TTC31: variants seen among roughly 807,000 people sequenced by gnomAD.
TTC31 encodes the protein tetratricopeptide repeat domain 31.
TTC31 carries 59 observed loss-of-function variants against 60.4 expected under a neutral mutation model. That is an observed-to-expected ratio of 0.98 (90% CI 0.79 to 1.21). The LOEUF (loss-of-function observed/expected upper bound fraction) is 1.21. Ranked by LOEUF, TTC31 falls within the 50% of genes most tolerant of loss-of-function variation. TTC31 has a pLI of 0.00. For missense variants in TTC31, 672 were observed against 646.9 expected, an observed-to-expected ratio of 1.04 and a Z score of -0.42; for synonymous variants, 225 against 249.6, an observed-to-expected ratio of 0.90 and a Z score of 0.93.
At chr2:74,483,189 T>G (rs1478005477) in intron 1 of TTC31, 54 bp downstream of exon 1, 5 of 1,613,836 alleles carry the variant, frequency 3.1e-6, no homozygotes, top group Non-Finnish European at 4.2e-6. Flanking sequence ...GCAGCCCCTC[T>G]TGGGTCCACC....
At position 74,491,612 on chromosome 2, in the gene TTC31, G is replaced by C; in HGVS notation, c.816G>C (p.Met272Ile). The change falls in exon 8 of 13, where the codon ATG (methionine) becomes ATC (isoleucine). Residue 272 changes from methionine (M) to isoleucine (I), a missense_variant. Physicochemically the swap from Met to Ile is conservative, Grantham distance 10 (BLOSUM62 1). Transcript: ENST00000233623. Reference protein sequence around the residue: ...PQGRGLALQKMGQEEESPPRE... With the variant: ...PQGRGLALQKIGQEEESPPRE... Reference sequence around the variant, plus strand: ...GCAGGGGTCTGGCCCTCCAGAAGATGGGTCAAGAGGAAGAGAGCCCTCCAA... The same window carrying C: ...GCAGGGGTCTGGCCCTCCAGAAGATCGGTCAAGAGGAAGAGAGCCCTCCAA... 2 of 1,614,218 alleles carry C rather than the reference G, an allele frequency of 1.2e-6. No homozygotes were observed. Among genetic ancestry groups the C allele is most frequent in the East Asian group, 2.2e-5 (1 of 44,890 alleles).
intron 2 of TTC31, among the ~76,000 whole-genome samples, chr2:74,488,124 G>C (rs1166474569): frequency 6.6e-6 from 1 of 152,116 alleles, no homozygotes; most frequent in Non-Finnish European, 1.5e-5. Context: ...ATAGGCGTCC[G>C]CACCACACCT....
rs868786345 is a variant in TTC31 at position 74,486,833 on chromosome 2, C to T, written c.130-3192C>T. Reference sequence around the variant, plus strand: ...ACTTGAACCCTGGAGGCGGAGGTTGCGGTGAGCCAAGTTCATGCCATTGCA... The same window carrying T: ...ACTTGAACCCTGGAGGCGGAGGTTGTGGTGAGCCAAGTTCATGCCATTGCA... On this transcript the variant is annotated intron_variant, in intron 2 of 12. Coordinates refer to ENST00000233623, the MANE Select transcript of TTC31 (RefSeq NM_022492.6). 5.3e-5 allele frequency among the ~76,000 whole-genome samples: 8 copies of T among 150,572 alleles called. No homozygotes were observed. In the South Asian group the frequency reaches 6.3e-4, roughly 12 times the overall value.
intron 2 of TTC31, 180 bp downstream of exon 2, chr2:74,483,590 G>A: frequency 1.4e-6 from 2 of 1,468,124 alleles, no homozygotes; most frequent in South Asian, 2.7e-5. Flanking sequence ...GGATCAGGAG[G>A]ATGATCCTGA....
intron 8 of TTC31, 101 bp from the exon 9 acceptor site, chr2:74,491,903 G>A: frequency 1.9e-6 from 3 of 1,578,180 alleles, no homozygotes; most frequent in South Asian, 1.1e-5. Flanking sequence ...GATTACATGA[G>A]TTGGGTAATG....
Position 74,490,126 on chromosome 2 carries a change from T to G in TTC31, c.231T>G (p.His77Gln). The G allele has an allele frequency of 3.1e-6, 5 of 1,600,682 alleles. No individual in the cohort carries two copies. The highest frequency in any genetic ancestry group is 4.3e-6 in the Non-Finnish European group (5 of 1,173,558). The change falls in exon 3 of 13, where the codon CAT becomes CAG. Residue 77 changes from histidine to glutamine, a missense_variant and splice_region_variant. Transcript: ENST00000233623. Reference sequence around the variant, plus strand: ...GCGGGCGGCTGCAGCTGTGGCACCATGGTGGGGAGTGCAGGGACCGGGCCC... The same window carrying G: ...GCGGGCGGCTGCAGCTGTGGCACCAGGGTGGGGAGTGCAGGGACCGGGCCC... ...GSSGRLQLWHHDYLLGHLDDE... is the reference protein window; with the variant it reads ...GSSGRLQLWHQDYLLGHLDDE...
intron 2 of TTC31, among the ~76,000 whole-genome samples, chr2:74,486,013 A>G (rs981602931): frequency 2.6e-5 from 4 of 152,022 alleles, no homozygotes; most frequent in Non-Finnish European, 4.4e-5. Context: ...CACACCTGTA[A>G]TCCTAGCACT....
chr2:74,486,910 G>T (rs1673180692), intron 2 of TTC31, among the ~76,000 whole-genome samples: 1 of 151,524 alleles, frequency 6.6e-6, no homozygotes, highest in African/African-American at 2.4e-5. Flanking sequence ...AAAAAAAAAG[G>T]AGTGTTCAGA....
intron 2 of TTC31, among the ~76,000 whole-genome samples, chr2:74,489,265 A>G (rs984873645): frequency 6.6e-6 from 1 of 152,242 alleles, no homozygotes; most frequent in African/African-American, 2.4e-5. Context: ...GAAGGGAGAT[A>G]GAATTTGAAC....
In TTC31 at chr2:74,492,198, C is replaced by A; in HGVS notation, c.988C>A (p.Gln330Lys). Reference protein sequence around the residue: ...FYHEAVVLFTQALKLNPQDHR... With the variant: ...FYHEAVVLFTKALKLNPQDHR... Reference sequence around the variant, plus strand: ...CCATGAGGCCGTGGTCCTCTTCACCCAGGCCTTGAAGCTCAACCCCCAGGA... The same window carrying A: ...CCATGAGGCCGTGGTCCTCTTCACCAAGGCCTTGAAGCTCAACCCCCAGGA... Residue 330 changes from glutamine to lysine, a missense_variant, in exon 10 of 13, where the codon CAG (glutamine) becomes AAG (lysine). By Grantham distance (53) the Gln-to-Lys change is moderately conservative. Coordinates refer to ENST00000233623, the MANE Select transcript of TTC31 (RefSeq NM_022492.6). 6.2e-7 allele frequency: 1 copy of A among 1,614,246 alleles called. No individual in the cohort carries two copies. The highest frequency in any genetic ancestry group is 1.1e-5 in the South Asian group (1 of 91,088).
In TTC31 at chr2:74,483,354, G is replaced by A; in HGVS notation, c.73G>A (p.Val25Ile). 6.2e-7 allele frequency: 1 copy of A among 1,614,204 alleles called. No homozygotes were observed. The highest frequency in any genetic ancestry group is 8.5e-7 in the Non-Finnish European group (1 of 1,180,032). ...TCTACGGCCCAGCTGCCCACTGGAG[G>A]TCGCTGCTGCACCCAAACTTTGCAA... ...CSLRPSCPLEVAAAPKLCKEF... is the reference protein window; with the variant it reads ...CSLRPSCPLEIAAAPKLCKEF... Residue 25 changes from valine (V) to isoleucine (I), a missense_variant, in exon 2 of 13, where the codon GTC becomes ATC. Coordinates refer to ENST00000233623, the MANE Select transcript of TTC31 (RefSeq NM_022492.6).
At chr2:74,490,195 A>AC in intron 3 of TTC31, 49 bp from the exon 4 acceptor site, 1 of 1,610,992 alleles carries the variant, frequency 6.2e-7, no homozygotes, top group African/African-American at 1.3e-5. Flanking sequence ...CCTCAGATGC[A>AC]CCCCGCTCTC....
rs1370275397 is a variant in TTC31 at position 74,492,990 on chromosome 2, T to A, written c.1332T>A (p.Ala444=). ...SPGALQPLPH[A]ELAPSGLPSL... is the part of the protein sequence containing the mutation. ...GGGCCCTCCAGCCACTTCCCCATGC[T>A]GAGCTGGCACCCTCAGGCCTACCTT... is the stretch of plus-strand genomic sequence containing the variant. The change falls in exon 13 of 13, where the codon GCT becomes GCA. Residue 444 remains alanine (A), a synonymous_variant. Coordinates refer to ENST00000233623, the MANE Select transcript of TTC31 (RefSeq NM_022492.6). The A allele has an allele frequency of 6.2e-7, 1 of 1,614,030 alleles. No individual in the cohort carries two copies. Among genetic ancestry groups the A allele is most frequent in the African/African-American group, 1.3e-5 (1 of 74,932 alleles).
chr2:74,487,601 A>G (rs1484165744), intron 2 of TTC31, among the ~76,000 whole-genome samples: 1 of 152,020 alleles, frequency 6.6e-6, no homozygotes, highest in Non-Finnish European at 1.5e-5. Context: ...GAAATACAGT[A>G]TATATTTGAG....
chr2:74,484,317 G>C (rs943506067), intron 2 of TTC31, among the ~76,000 whole-genome samples: 3 of 152,110 alleles, frequency 2.0e-5, no homozygotes, highest in African/African-American at 7.2e-5. Context: ...AAAGTTGAGA[G>C]AACTTTACCA....
In TTC31 at chr2:74,493,667, A is replaced by G. The variant is rs533643010; in HGVS notation, c.*449A>G. 2.4e-4 allele frequency: 39 copies of G among 160,200 alleles called. No individual in the cohort carries two copies. The South Asian group carries it at 4.0e-3, about 16-fold the overall frequency. The allele number at this position is 160,200 out of a possible 1,614,324, so 9.9% of individuals were successfully genotyped here. A position where few individuals can be genotyped will look rare whatever the true frequency, so the allele number is the denominator to read the frequency against. On this transcript the variant is annotated 3_prime_UTR_variant, in exon 13 of 13. Transcript: ENST00000233623. Reference sequence around the variant, plus strand: ...TGGATGCTCACCTCTTCTCAGCCCCAGCTCGTGCCCTGTTTTTCTAGCCAT... The same window carrying G: ...TGGATGCTCACCTCTTCTCAGCCCCGGCTCGTGCCCTGTTTTTCTAGCCAT...
rs1049136605 is a variant in TTC31 at position 74,490,841 on chromosome 2, G to C, written c.546+102G>C. The stretch of plus-strand genomic sequence containing the variant: ...AGGAGAGAGCTCAAGATGGCCTGCA[G>C]TGGACTCTCTTGCCAGGAGGACACA... On this transcript the variant is annotated intron_variant, in intron 5 of 12. Coordinates refer to ENST00000233623, the MANE Select transcript of TTC31 (RefSeq NM_022492.6). 7 of 1,245,474 alleles carry C rather than the reference G, an allele frequency of 5.6e-6. No individual in the cohort carries two copies. The Admixed American group carries it at 1.6e-4, about 29-fold the overall frequency. 77.2% of individuals were successfully genotyped at this position (1,245,474 alleles called of 1,614,324 possible). A position where few individuals can be genotyped will look rare whatever the true frequency, so the allele number is the denominator to read the frequency against.
rs749805459 is a variant in TTC31 at position 74,491,529 on chromosome 2, G to T, written c.733G>T (p.Val245Phe). ...STFVSLALRK[V>F]GDWPLSARRE... ...TTTTGTGTCTCTGGCTTTGCGCAAG[G>T]TTGGGGATTGGCCCCTCAGTGCCCG... is the stretch of plus-strand genomic sequence containing the variant. Residue 245 changes from valine (V) to phenylalanine (F), a missense_variant, in exon 8 of 13, where the codon GTT (valine) becomes TTT (phenylalanine). Physicochemically the swap from Val to Phe is conservative, Grantham distance 50 (BLOSUM62 -1). Transcript: ENST00000233623. The T allele has an allele frequency of 6.2e-7, 1 of 1,614,022 alleles. No individual in the cohort carries two copies. The highest frequency in any genetic ancestry group is 8.5e-7 in the Non-Finnish European group (1 of 1,179,990).
At position 74,490,361 on chromosome 2, in the gene TTC31, C is replaced by T. The variant is rs200892740; in HGVS notation, c.350C>T (p.Pro117Leu). 5 of 1,614,060 alleles carry T rather than the reference C, an allele frequency of 3.1e-6. No homozygotes were observed. In the African/African-American group the frequency reaches 6.7e-5, roughly 22 times the overall value. ...CTCCGCAAGTCCTTCCTGTATCCTC[C>T]CCAAGAGTCTGAGCCCTGCCCTCAA... ...CGLRKSFLYP[P>L]QESEPCPQSP... Residue 117 changes from proline to leucine, a missense_variant, in exon 4 of 13, where the codon CCC (proline) becomes CTC (leucine). Coordinates refer to ENST00000233623, the MANE Select transcript of TTC31 (RefSeq NM_022492.6).
Sources: gnomAD v4.1 joint callset for allele counts (sites outside exome capture counted in the v4.1 genomes callset) on GRCh38, gnomAD v4.1.1 for gene constraint, MANE v1.5 for transcripts, NCBI Gene and HGNC (gene_info 2026-07-23, HGNC 2026-07-21) for gene names.